INSYN2A: variants seen among roughly 807,000 people sequenced by gnomAD.
INSYN2A encodes the protein inhibitory synaptic factor 2A.
A neutral mutation model predicts 39.4 loss-of-function variants in INSYN2A; 17 were observed. The ratio of observed to expected loss-of-function variants is 0.43; its 90% CI spans 0.30 to 0.65. The LOEUF (loss-of-function observed/expected upper bound fraction) is 0.65. Ranked by LOEUF, INSYN2A falls within the 30% of genes least tolerant of loss-of-function variation. The probability of loss-of-function intolerance (pLI) is 0.14; values close to 1 mark genes in which losing one functional copy is unlikely to be tolerated. For synonymous variants in INSYN2A, 255 were observed against 265.7 expected (o/e 0.96, Z 0.39); for missense variants, 595 against 631.2 (o/e 0.94, Z 0.61).
intron 4 of INSYN2A, among the ~76,000 whole-genome samples, chr10:127,166,599 G>C (rs1219361876): frequency 6.6e-6 from 1 of 152,184 alleles, no homozygotes; most frequent in Admixed American, 6.5e-5. Context: ...CAAATGGCTG[G>C]CACATTGTAG....
intron 4 of INSYN2A, among the ~76,000 whole-genome samples, chr10:127,158,943 T>C (rs2053337915): frequency 6.6e-6 from 1 of 152,166 alleles, no homozygotes; most frequent in Non-Finnish European, 1.5e-5. Flanking sequence ...CTCCCATCCT[T>C]CTAGAACTGG....
At chr10:127,138,280 G>A (rs917686471) in intron 5 of INSYN2A, among the ~76,000 whole-genome samples, 2 of 152,174 alleles carry the variant, frequency 1.3e-5, no homozygotes, top group African/African-American at 4.8e-5. Context: ...GTTGGTGTAT[G>A]TATTTGTGGA....
chr10:127,138,898 A>G (rs1042272808), intron 5 of INSYN2A, among the ~76,000 whole-genome samples: 7 of 152,174 alleles, frequency 4.6e-5, no homozygotes, highest in Non-Finnish European at 1.0e-4. Flanking sequence ...ACCACATTTG[A>G]TCTTCTAACT....
chr10:127,169,549 C>A (rs1172066704), intron 4 of INSYN2A, among the ~76,000 whole-genome samples: 1 of 152,214 alleles, frequency 6.6e-6, no homozygotes, highest in Non-Finnish European at 1.5e-5. Flanking sequence ...TGGCCCAAAT[C>A]TGGCTACCAC....
At position 127,175,637 on chromosome 10, in the gene INSYN2A, A is replaced by T. The variant is rs778597060; in HGVS notation, c.759T>A (p.Val253=). 6.2e-7 allele frequency: 1 copy of T among 1,613,276 alleles called. No individual in the cohort carries two copies. Among genetic ancestry groups the T allele is most frequent in the Non-Finnish European group, 8.5e-7 (1 of 1,179,934 alleles). ...TGAGGGCAGGTGCGTAAACGGTGGC[A>T]ACCTCCGTTTTAAACACCCTCCTGA... is the stretch of plus-strand genomic sequence containing the variant. ...PALRRVFKTE[V]ATVYAPALSA... is the part of the protein sequence containing the mutation. Residue 253 remains valine (V), a synonymous_variant, in exon 4 of 6, where the codon GTT becomes GTA. Transcript: ENST00000522781. This position sits in a 1 kb window ranked among gnomAD's most constrained non-coding sequence, Gnocchi z 6.3.
At chr10:127,157,434 C>T (rs1027032262) in intron 4 of INSYN2A, among the ~76,000 whole-genome samples, 1 of 152,210 alleles carries the variant, frequency 6.6e-6, no homozygotes, top group African/African-American at 2.4e-5. Context: ...GAATGGGAAG[C>T]CACTATAGTT....
At chr10:127,189,440 T>C (rs955974195) in intron 2 of INSYN2A, among the ~76,000 whole-genome samples, 3 of 152,184 alleles carry the variant, frequency 2.0e-5, no homozygotes, top group Non-Finnish European at 4.4e-5. Context: ...ACTTCTGTCA[T>C]TCAGCCTCAC....
chr10:127,164,826 A>C (rs547290124), intron 4 of INSYN2A, among the ~76,000 whole-genome samples: 1 of 152,300 alleles, frequency 6.6e-6, no homozygotes, highest in African/African-American at 2.4e-5. Flanking sequence ...TCCTTCCTTC[A>C]TTCATGCAGT....
At chr10:127,179,539 G>A (rs950431687) in intron 2 of INSYN2A, among the ~76,000 whole-genome samples, 16 of 152,056 alleles carry the variant, frequency 1.1e-4, no homozygotes, top group African/African-American at 2.7e-4. Flanking sequence ...TCTTTCTGAC[G>A]GCTGGATGAC....
intron 2 of INSYN2A, among the ~76,000 whole-genome samples, chr10:127,191,470 T>C (rs1477198347): frequency 6.6e-6 from 1 of 152,180 alleles, no homozygotes; most frequent in South Asian, 2.1e-4. Flanking sequence ...CTTTGCTGCA[T>C]TTTTTAAGGA....
chr10:127,168,615 G>T (rs1310894835), intron 4 of INSYN2A, among the ~76,000 whole-genome samples: 3 of 152,222 alleles, frequency 2.0e-5, no homozygotes, highest in African/African-American at 4.8e-5. Context: ...AGCTAACCAG[G>T]TGGAAGACTT....
At chr10:127,148,774 G>T (rs1386563379) in intron 5 of INSYN2A, among the ~76,000 whole-genome samples, 3 of 152,152 alleles carry the variant, frequency 2.0e-5, no homozygotes, top group Non-Finnish European at 4.4e-5. Flanking sequence ...ATTTTGACAA[G>T]AAATATGGAA....
intron 4 of INSYN2A, among the ~76,000 whole-genome samples, chr10:127,171,232 A>T (rs949488910): frequency 5.3e-5 from 8 of 152,232 alleles, no homozygotes; most frequent in African/African-American, 1.7e-4. Context: ...ACGAAAAATA[A>T]TTTGGAAGCT....
intron 4 of INSYN2A, among the ~76,000 whole-genome samples, chr10:127,168,969 AG>A (rs2054322052): frequency 6.6e-6 from 1 of 152,212 alleles, no homozygotes; most frequent in Non-Finnish European, 1.5e-5. Flanking sequence ...ATCCCCTGAC[AG>A]GTCTCTCTGA....
At position 127,175,180 on chromosome 10, in the gene INSYN2A, T is replaced by C. The variant is rs1408223639; in HGVS notation, c.1184+32A>G. The stretch of plus-strand genomic sequence containing the variant: ...TGGACTCTGTGGTGATCAGCCTGCA[T>C]AGCTTCCTAAGACATGGGTGAACAT... On this transcript the variant is annotated intron_variant, in intron 4 of 5. Transcript: ENST00000522781. This position sits in a 1 kb window ranked among gnomAD's most constrained non-coding sequence, Gnocchi z 6.3. 1.3e-6 allele frequency: 2 copies of C among 1,562,524 alleles called. No homozygotes were observed. Among genetic ancestry groups the C allele is most frequent in the African/African-American group, 1.4e-5 (1 of 73,888 alleles).
intron 4 of INSYN2A, among the ~76,000 whole-genome samples, chr10:127,169,959 C>T (rs532753482): frequency 3.9e-4 from 60 of 152,078 alleles, no homozygotes; most frequent in Non-Finnish European, 6.5e-4. Flanking sequence ...CCACCGTAAG[C>T]GGCACCCTCA....
intron 5 of INSYN2A, among the ~76,000 whole-genome samples, chr10:127,141,342 A>G (rs2051223034): frequency 6.6e-6 from 1 of 152,192 alleles, no homozygotes; most frequent in African/African-American, 2.4e-5. Context: ...CAACTATAGC[A>G]GGGGCTGGGT....
In INSYN2A at chr10:127,176,300, C is replaced by G. The variant is rs141706041; in HGVS notation, c.96G>C (p.Leu32=). The change falls in exon 4 of 6, where the codon CTG becomes CTC. Residue 32 remains leucine, a synonymous_variant. Coordinates refer to ENST00000522781, the MANE Select transcript of INSYN2A (RefSeq NM_001039762.3). The surrounding 1 kb of genome is among the most constrained non-coding windows in gnomAD (Gnocchi z 4.4). The stretch of plus-strand genomic sequence containing the variant: ...GTTTTTTAATCTGCCGGTTGGGGTC[C>G]AGGGCGTATTTCATCTCCAGGGCCA... The part of the protein sequence containing the change: ...ACLALEMKYA[L]DPNRQIKKRN... 142 of 1,614,104 alleles carry G rather than the reference C, an allele frequency of 8.8e-5. No homozygotes were observed. The African/African-American group carries it at 1.6e-3, about 18-fold the overall frequency.
At chr10:127,167,514 C>T (rs900155326) in intron 4 of INSYN2A, among the ~76,000 whole-genome samples, 5 of 152,108 alleles carry the variant, frequency 3.3e-5, no homozygotes, top group Admixed American at 3.3e-4. Context: ...CCCCCCGCCC[C>T]GAAACTTTTA....
Sources: allele counts gnomAD v4.1 joint callset (sites outside exome capture counted in the v4.1 genomes callset), GRCh38; gene constraint gnomAD v4.1.1; non-coding constraint Gnocchi (gnomAD v3.1); transcripts MANE v1.5; gene names NCBI Gene and HGNC (gene_info 2026-07-23, HGNC 2026-07-21).